Variants in NDC1 observed in about 807,000 individuals in gnomAD.
NDC1 encodes the protein nucleoporin NDC1.
Under a neutral mutation model 89.8 loss-of-function variants are expected in NDC1, and 24 were observed. The ratio of observed to expected loss-of-function variants is 0.27; its 90% CI spans 0.19 to 0.38. The LOEUF (loss-of-function observed/expected upper bound fraction) is 0.38, where lower values mean the gene tolerates loss of function less well. Ranked by LOEUF, NDC1 falls within the 10% of genes least tolerant of loss-of-function variation. The probability of loss-of-function intolerance (pLI) is 1.00; values close to 1 mark genes in which losing one functional copy is unlikely to be tolerated. For missense variants in NDC1, 728 were observed against 797.6 expected (o/e 0.91, Z 1.05); for synonymous variants, 296 against 284.8 (o/e 1.04, Z -0.39).
At chr1:53,824,711 T>G (rs574268881) in intron 5 of NDC1, among the ~76,000 whole-genome samples, 62 of 152,326 alleles carry the variant, frequency 4.1e-4, no homozygotes, top group African/African-American at 1.4e-3. Flanking sequence ...CCTACCAGAT[T>G]ACATTTTTAA....
At chr1:53,804,224 A>G (rs1648026535) in intron 9 of NDC1, among the ~76,000 whole-genome samples, 1 of 152,176 alleles carries the variant, frequency 6.6e-6, no homozygotes, top group Non-Finnish European at 1.5e-5. Flanking sequence ...AAGGAACTAC[A>G]GAATTCTCTG....
chr1:53,777,944 C>T (rs551589277), intron 16 of NDC1, among the ~76,000 whole-genome samples: 36 of 152,210 alleles, frequency 2.4e-4, no homozygotes, highest in East Asian at 2.3e-3. Flanking sequence ...AGCAATCCAT[C>T]AGTCTTGGCC....
At chr1:53,809,801 G>A in intron 6 of NDC1, 55 bp from the exon 7 acceptor site, 1 of 1,410,112 alleles carries the variant, frequency 7.1e-7, no homozygotes, top group Non-Finnish European at 1.0e-6. Flanking sequence ...ACAAGTTTTA[G>A]TCAAGCTTTA....
At chr1:53,819,882 G>A (rs1357302606) in intron 5 of NDC1, among the ~76,000 whole-genome samples, 4 of 151,972 alleles carry the variant, frequency 2.6e-5, no homozygotes, top group African/African-American at 9.7e-5. Flanking sequence ...GCTTCCCTGG[G>A]CCACACTGAA....
intron 5 of NDC1, among the ~76,000 whole-genome samples, chr1:53,819,481 A>AG: frequency 6.6e-6 from 1 of 152,210 alleles, no homozygotes; most frequent in Non-Finnish European, 1.5e-5. Context: ...CCTGTAAGGG[A>AG]GTTTTTACTA....
chr1:53,825,995 G>C (rs879099097), intron 4 of NDC1, 59 bp from the exon 5 acceptor site: 1 of 1,532,844 alleles, frequency 6.5e-7, no homozygotes, highest in South Asian at 1.2e-5. Flanking sequence ...CACTGTTTTA[G>C]GCTCAATGTT....
chr1:53,791,842 A>C (rs1266659105), intron 14 of NDC1, among the ~76,000 whole-genome samples: 1 of 152,252 alleles, frequency 6.6e-6, no homozygotes, highest in Non-Finnish European at 1.5e-5. Flanking sequence ...GAGGATAAAA[A>C]GACATATCTC....
intron 1 of NDC1, among the ~76,000 whole-genome samples, chr1:53,837,963 A>G (rs1649293629): frequency 6.6e-6 from 1 of 152,198 alleles, no homozygotes; most frequent in Non-Finnish European, 1.5e-5. Flanking sequence ...ATTTCCATTC[A>G]GTCCATCCGT....
chr1:53,799,978 G>A (rs1647850039), intron 11 of NDC1, among the ~76,000 whole-genome samples: 2 of 152,142 alleles, frequency 1.3e-5, no homozygotes, highest in Admixed American at 1.3e-4. Flanking sequence ...TCTTCTCTGG[G>A]ACAGCAACTT....
intron 14 of NDC1, among the ~76,000 whole-genome samples, chr1:53,791,591 A>G (rs571754117): frequency 3.3e-5 from 5 of 152,318 alleles, no homozygotes; most frequent in African/African-American, 9.6e-5. Flanking sequence ...TATGTACCCA[A>G]TGAAGCCTAC....
chr1:53,779,501 A>T (rs568585264), intron 16 of NDC1, among the ~76,000 whole-genome samples: 2 of 152,314 alleles, frequency 1.3e-5, no homozygotes, highest in South Asian at 4.1e-4. Context: ...AGTCAGTCTG[A>T]TTCCAGATCT....
intron 5 of NDC1, among the ~76,000 whole-genome samples, chr1:53,825,135 T>C (rs2100687196): frequency 6.6e-6 from 1 of 152,128 alleles, no homozygotes; most frequent in South Asian, 2.1e-4. Context: ...ACCACGCCAC[T>C]GCACTCCAGC....
chr1:53,805,965 A>T (rs962411647), intron 9 of NDC1, among the ~76,000 whole-genome samples: 45 of 152,138 alleles, frequency 3.0e-4, no homozygotes, highest in African/African-American at 1.0e-3. Flanking sequence ...TCCCAGCTAC[A>T]CGGGAGGCTG....
intron 16 of NDC1, among the ~76,000 whole-genome samples, chr1:53,781,554 T>C (rs1221337126): frequency 6.6e-6 from 1 of 152,202 alleles, no homozygotes; most frequent in African/African-American, 2.4e-5. Context: ...CCCTTCCCTT[T>C]CACATTTTGC....
chr1:53,767,760 A>G lies in NDC1; in HGVS notation c.*210T>C. 1 of 389,582 alleles carries G rather than the reference A, an allele frequency of 2.6e-6. No homozygotes were observed. Among genetic ancestry groups the G allele is most frequent in the Non-Finnish European group, 4.6e-6 (1 of 217,370 alleles). 24.1% of individuals were successfully genotyped at this position (389,582 alleles called of 1,614,324 possible). ...ATTTTATTATACCACACACACAAAA[A>G]GCAATCGGTACAGAAAAGGCAGTTT... On this transcript the variant is annotated 3_prime_UTR_variant, in exon 18 of 18. Transcript: ENST00000371429.
intron 6 of NDC1, among the ~76,000 whole-genome samples, chr1:53,813,848 C>A (rs1325117216): frequency 1.3e-5 from 2 of 152,170 alleles, no homozygotes; most frequent in East Asian, 3.8e-4. Context: ...GCACATGGAA[C>A]TTTCTCCAAG....
rs376309632 is a variant in NDC1 at position 53,806,484 on chromosome 1, C to G, written c.925G>C (p.Glu309Gln). 1.6e-5 allele frequency: 25 copies of G among 1,526,198 alleles called. No individual in the cohort carries two copies. The Admixed American group carries it at 4.6e-4, about 28-fold the overall frequency. 94.5% of individuals were successfully genotyped at this position (1,526,198 alleles called of 1,614,324 possible). A position where few individuals can be genotyped will look rare whatever the true frequency, so the allele number is the denominator to read the frequency against. ...TTTGGAAGGCACTCATCTGACCCTTCTGCAAATGGTGGTTGAACAGGAAAC... is the reference window on the plus strand; with the variant it reads ...TTTGGAAGGCACTCATCTGACCCTTGTGCAAATGGTGGTTGAACAGGAAAC... ...HVFPVQPPFA[E>Q]GSDECLPKVL... is the part of the protein sequence containing the mutation. Residue 309 changes from glutamate to glutamine, a missense_variant, in exon 9 of 18, where the codon GAA becomes CAA. Physicochemically the swap from Glu to Gln is conservative, Grantham distance 29. Transcript: ENST00000371429.
chr1:53,769,303 A>G (rs1377460349), intron 17 of NDC1, among the ~76,000 whole-genome samples: 2 of 152,218 alleles, frequency 1.3e-5, no homozygotes, highest in Admixed American at 6.5e-5. Flanking sequence ...AGTTGCACAT[A>G]TGTAGGATGA....
At chr1:53,825,131 C>A (rs905238173) in intron 5 of NDC1, among the ~76,000 whole-genome samples, 4 of 152,116 alleles carry the variant, frequency 2.6e-5, no homozygotes, top group African/African-American at 9.7e-5. Flanking sequence ...CGTGACCACG[C>A]CACTGCACTC....
Sources: allele counts gnomAD v4.1 joint callset (sites outside exome capture counted in the v4.1 genomes callset), GRCh38; gene constraint gnomAD v4.1.1; transcripts MANE v1.5; gene names NCBI Gene and HGNC (gene_info 2026-07-23, HGNC 2026-07-21).